COL4A6: variants seen among roughly 807,000 people sequenced by gnomAD.
COL4A6 encodes collagen alpha-6(IV) chain.
COL4A6 carries 59 observed loss-of-function variants against 126.7 expected under a neutral mutation model. The observed-to-expected ratio is 0.47, with a 90% confidence interval of 0.38 to 0.58. The LOEUF is 0.58. Ranked by LOEUF, COL4A6 falls within the 20% of genes least tolerant of loss-of-function variation. The pLI is 0.00. For missense variants in COL4A6, 1,285 were observed against 1,337.3 expected (o/e 0.96, Z 0.61); for synonymous variants, 547 against 496.6 (o/e 1.10, Z -1.35).
intron 2 of COL4A6, among the ~76,000 whole-genome samples, chrX:108,339,328 C>T (rs2039505329): frequency 8.9e-6 from 1 of 112,204 alleles, no homozygotes; most frequent in East Asian, 2.8e-4. Flanking sequence ...TGCACAACGT[C>T]CCCTCTCATT....
At position 108,178,789 on chromosome X, in the gene COL4A6, T is replaced by A. The variant is rs1436930654; in HGVS notation, c.2410A>T (p.Thr804Ser). The A allele has an allele frequency of 8.3e-7, 1 of 1,211,218 alleles. No homozygotes were observed. Among genetic ancestry groups the A allele is most frequent in the Non-Finnish European group, 1.1e-6 (1 of 895,204 alleles). Reference sequence around the variant, plus strand: ...CCTGGCTGTCCCACCTGTCCTGGTGTCCCAGGGCTGCCCCGCTCACCTTTG... The same window carrying A: ...CCTGGCTGTCCCACCTGTCCTGGTGACCCAGGGCTGCCCCGCTCACCTTTG... Reference protein sequence around the residue: ...GPKGERGSPGTPGQVGQPGTP... With the variant: ...GPKGERGSPGSPGQVGQPGTP... Residue 804 changes from threonine (T) to serine (S), a missense_variant, in exon 27 of 45, where the codon ACA becomes TCA. Coordinates refer to ENST00000334504, the MANE Select transcript of COL4A6 (RefSeq NM_033641.4).
chrX:108,434,340 G>A (rs2064225926), intron 2 of COL4A6, among the ~76,000 whole-genome samples: 1 of 109,767 alleles, frequency 9.1e-6, no homozygotes, highest in South Asian at 4.0e-4. Context: ...TGCCCAGGGT[G>A]GAGTACAGTG....
At chrX:108,170,564 C>T (rs747665543) in intron 35 of COL4A6, 45 bp downstream of exon 35, 12 of 1,050,257 alleles carry the variant, frequency 1.1e-5, no homozygotes, top group South Asian at 5.7e-5. Flanking sequence ...TGTCCTTCAT[C>T]GAGGGAAAGA....
At position 108,376,487 on chromosome X, in the gene COL4A6, C is replaced by G. The variant is rs781727383; in HGVS notation, c.63+61455G>C. ...GGGCATGGTGGCACCTGCCTGTAGT[C>G]CCAGCTACTGGGAGGCTGAGGCAGG... On this transcript the variant is annotated intron_variant, in intron 2 of 44. Transcript: ENST00000334504. Among the ~76,000 whole-genome samples, 19 of 111,611 alleles carry G rather than the reference C, an allele frequency of 1.7e-4. 1 individual carries two copies. In the South Asian group the frequency reaches 7.2e-3, roughly 42 times the overall value.
intron 2 of COL4A6, among the ~76,000 whole-genome samples, chrX:108,408,609 T>G (rs980510292): frequency 1.2e-4 from 13 of 112,138 alleles, no homozygotes; most frequent in African/African-American, 4.2e-4. Context: ...TAGTTTCATT[T>G]TTTTGTACTG....
chrX:108,193,552 C>T, intron 17 of COL4A6, 76 bp downstream of exon 17: 1 of 851,750 alleles, frequency 1.2e-6, no homozygotes, highest in South Asian at 2.3e-5. Context: ...AACAAAGTAT[C>T]CTTTTAATAA....
At chrX:108,341,333 C>G (rs192545537) in intron 2 of COL4A6, among the ~76,000 whole-genome samples, 15 of 111,160 alleles carry the variant, frequency 1.3e-4, no homozygotes, top group Admixed American at 2.9e-4. Context: ...TTGGCTGTGT[C>G]CCCATCCAAA....
At chrX:108,271,906 A>G (rs1431024634) in intron 3 of COL4A6, among the ~76,000 whole-genome samples, 4 of 112,113 alleles carry the variant, frequency 3.6e-5, no homozygotes, top group Admixed American at 1.9e-4. Context: ...TCTACAGTGG[A>G]TGTATTTCCT....
rs755003147 is a variant in COL4A6 at position 108,323,295 on chromosome X, T to C, written c.64-12467A>G. 1.4e-4 allele frequency among the ~76,000 whole-genome samples: 16 copies of C among 112,053 alleles called. No homozygotes were observed. The South Asian group carries it at 1.9e-3, about 13-fold the overall frequency. ...TATAAAGGCACTGTGTTGGGCACTA[T>C]GGAAAAAAGACAAATATTTAGAAAA... On this transcript the variant is annotated intron_variant, in intron 2 of 44. Coordinates refer to ENST00000334504, the MANE Select transcript of COL4A6 (RefSeq NM_033641.4).
chrX:108,424,141 G>A (rs1410636509), intron 2 of COL4A6, among the ~76,000 whole-genome samples: 2 of 111,881 alleles, frequency 1.8e-5, no homozygotes, highest in Non-Finnish European at 3.8e-5. Flanking sequence ...TGGGGCAAAT[G>A]GGGGCAGAAG....
intron 2 of COL4A6, among the ~76,000 whole-genome samples, chrX:108,400,389 A>G (rs2148203326): frequency 9.0e-6 from 1 of 111,362 alleles, no homozygotes; most frequent in South Asian, 3.8e-4. Context: ...AATAGATTAA[A>G]TTATCAGCAT....
chrX:108,188,396 C>A (rs2034936096), intron 21 of COL4A6, 121 bp downstream of exon 21: 3 of 723,047 alleles, frequency 4.1e-6, no homozygotes, highest in Middle Eastern at 1.1e-3. Flanking sequence ...TAGATCAAAA[C>A]CCCAAAACTT....
rs756095492 is a variant in COL4A6 at position 108,164,873 on chromosome X, G to A, written c.3970+4C>T. 1.3e-5 allele frequency: 16 copies of A among 1,196,952 alleles called. No homozygotes were observed. Among genetic ancestry groups the A allele is most frequent in the Middle Eastern group, 2.3e-4 (1 of 4,261 alleles). ...GGGCCCAGCAGCCAGCCGAGCAGCC[G>A]TACCTTTCAGTCCTAGCTCTCCAGG... On this transcript the variant is annotated splice_donor_region_variant and intron_variant, in intron 39 of 44. Coordinates refer to ENST00000334504, the MANE Select transcript of COL4A6 (RefSeq NM_033641.4).
chrX:108,342,766 T>G (rs1163688620), intron 2 of COL4A6, among the ~76,000 whole-genome samples: 2 of 111,349 alleles, frequency 1.8e-5, no homozygotes, highest in South Asian at 3.8e-4. Context: ...GGATATTTAT[T>G]GAATGAAACT....
At chrX:108,415,471 G>T (rs1305701683) in intron 2 of COL4A6, among the ~76,000 whole-genome samples, 2 of 112,087 alleles carry the variant, frequency 1.8e-5, no homozygotes, top group Non-Finnish European at 1.9e-5. Context: ...TTTGTAAATG[G>T]TTATTTTATC....
chrX:108,205,713 A>G lies in COL4A6; in HGVS notation c.610-18T>C. 3.3e-6 allele frequency: 4 copies of G among 1,194,221 alleles called. No homozygotes were observed. The highest frequency in any genetic ancestry group is 4.5e-6 in the Non-Finnish European group (4 of 881,917). On this transcript the variant is annotated intron_variant, in intron 9 of 44. Coordinates refer to ENST00000334504, the MANE Select transcript of COL4A6 (RefSeq NM_033641.4). Reference sequence around the variant, plus strand: ...GGAGGACCCTAGATTTTTTTTAAAAATAAGAAAGAGTTAGCACTTGTTAGT... The same window carrying G: ...GGAGGACCCTAGATTTTTTTTAAAAGTAAGAAAGAGTTAGCACTTGTTAGT...
At chrX:108,189,033 A>G (rs1311355440) in intron 20 of COL4A6, among the ~76,000 whole-genome samples, 1 of 112,538 alleles carries the variant, frequency 8.9e-6, no homozygotes, top group African/African-American at 3.2e-5. Flanking sequence ...ATGTGTACAT[A>G]TTTTTGTAAA....
rs148929548 is a variant in COL4A6, at chrX:108,187,161, C to T, written c.1886G>A (p.Arg629His). ...GNGLPGLPGPRGLPGDKGKDG... is the reference protein window; with the variant it reads ...GNGLPGLPGPHGLPGDKGKDG... Reference sequence around the variant, plus strand: ...CTTGCCTTTATCTCCAGGAAGCCCACGGGGTCCAGGAAGTCCTGGTAACCC... The same window carrying T: ...CTTGCCTTTATCTCCAGGAAGCCCATGGGGTCCAGGAAGTCCTGGTAACCC... The change falls in exon 23 of 45, where the codon CGT becomes CAT. Residue 629 changes from arginine to histidine, a missense_variant. By Grantham distance (29) the Arg-to-His change is conservative. Coordinates refer to ENST00000334504, the MANE Select transcript of COL4A6 (RefSeq NM_033641.4). The T allele has an allele frequency of 1.7e-3, 1,983 of 1,193,554 alleles. 2 individuals are homozygous for T. The highest frequency in any genetic ancestry group is 2.1e-3 in the Non-Finnish European group (1,879 of 885,121).
intron 2 of COL4A6, among the ~76,000 whole-genome samples, chrX:108,430,589 T>C (rs1343501297): frequency 8.9e-6 from 1 of 111,794 alleles, no homozygotes; most frequent in African/African-American, 3.3e-5. Context: ...AGGAGGCTAC[T>C]GATGTATGAA....
Sources: allele counts gnomAD v4.1 joint callset (sites outside exome capture counted in the v4.1 genomes callset), GRCh38; gene constraint gnomAD v4.1.1; transcripts MANE v1.5; gene names NCBI Gene and HGNC (gene_info 2026-07-23, HGNC 2026-07-21).